SLC1A1: variants seen among roughly 807,000 people sequenced by gnomAD.
SLC1A1 encodes excitatory amino acid transporter 3.
SLC1A1 carries 43 observed loss-of-function variants against 53.3 expected under a neutral mutation model. The observed-to-expected ratio is 0.81, with a 90% confidence interval of 0.63 to 1.04. SLC1A1 has a LOEUF of 1.04. Among genes scored for constraint, SLC1A1 ranks in the 50% least tolerant of loss-of-function variants. The pLI is 0.00. For synonymous variants in SLC1A1, 307 were observed against 243.2 expected (o/e 1.26, Z -2.44); for missense variants, 748 against 664.9 (o/e 1.12, Z -1.37).
intron 1 of SLC1A1, among the ~76,000 whole-genome samples, chr9:4,521,721 G>T (rs73641457): frequency 0.023 from 3,473 of 152,248 alleles, 135 homozygotes; most frequent in African/African-American, 0.078. Context: ...CTTTATATCT[G>T]TATACTTTAT....
chr9:4,565,734 G>A (rs1017620653), intron 4 of SLC1A1, among the ~76,000 whole-genome samples: 1 of 152,164 alleles, frequency 6.6e-6, no homozygotes, highest in Non-Finnish European at 1.5e-5. Context: ...CCTCATTGAT[G>A]AAAACAGAAG....
In SLC1A1 at chr9:4,490,721, C is replaced by G; in HGVS notation, c.42C>G (p.Phe14Leu). 2 of 1,612,898 alleles carry G rather than the reference C, an allele frequency of 1.2e-6. No individual in the cohort carries two copies. The highest frequency in any genetic ancestry group is 1.7e-4 in the Middle Eastern group (1 of 6,056). Residue 14 changes from phenylalanine to leucine, a missense_variant, in exon 1 of 12, where the codon TTC becomes TTG. Transcript: ENST00000262352. ...GGAAAGGATGCGAGTGGAAGCGCTT[C>G]CTGAAGAATAACTGGGTGTTGCTGT... ...PARKGCEWKRFLKNNWVLLST... is the reference protein window; with the variant it reads ...PARKGCEWKRLLKNNWVLLST...
chr9:4,538,034 C>T (rs10815011), intron 1 of SLC1A1, among the ~76,000 whole-genome samples: 74,345 of 151,876 alleles, frequency 0.49, 18,798 homozygotes, highest in Non-Finnish European at 0.53. Flanking sequence ...AGAGATAATA[C>T]AAAAGACAAT....
chr9:4,495,089 G>A (rs1251176832), intron 1 of SLC1A1, among the ~76,000 whole-genome samples: 1 of 152,142 alleles, frequency 6.6e-6, no homozygotes, highest in African/African-American at 2.4e-5. Flanking sequence ...CCCTTGCCCA[G>A]CCTCGTGTCT....
At chr9:4,540,899 C>G (rs781016494) in intron 1 of SLC1A1, among the ~76,000 whole-genome samples, 3 of 152,250 alleles carry the variant, frequency 2.0e-5, no homozygotes, top group Non-Finnish European at 4.4e-5. Flanking sequence ...GACAGCTAAT[C>G]TAACCCTTGA....
intron 1 of SLC1A1, among the ~76,000 whole-genome samples, chr9:4,542,427 C>T (rs951880285): frequency 2.6e-5 from 4 of 152,158 alleles, no homozygotes; most frequent in Non-Finnish European, 4.4e-5. Context: ...AATGACCCTA[C>T]ATTAATTTAG....
rs565308759 is a variant in SLC1A1, at chr9:4,523,801, C to T, written c.92-20766C>T. 3.3e-5 allele frequency among the ~76,000 whole-genome samples: 5 copies of T among 152,284 alleles called. No homozygotes were observed. In the South Asian group the frequency reaches 1.0e-3, roughly 32 times the overall value. ...GTCTCATTTTAAAATCTCCTAATGA[C>T]TCCATGAGGTTGATATTTTGTTCTT... On this transcript the variant is annotated intron_variant, in intron 1 of 11. Transcript: ENST00000262352.
chr9:4,567,881 A>G, intron 6 of SLC1A1, 114 bp downstream of exon 6: 1 of 762,948 alleles, frequency 1.3e-6, no homozygotes, highest in East Asian at 2.7e-5. Flanking sequence ...AAATTCACCT[A>G]CTTGCTAAAA....
At chr9:4,550,738 T>C (rs149994450) in intron 2 of SLC1A1, among the ~76,000 whole-genome samples, 2,176 of 152,258 alleles carry the variant, frequency 0.014, 41 homozygotes, top group Non-Finnish European at 0.018. Flanking sequence ...AAACCTTAGG[T>C]ATATTCAGTA....
chr9:4,522,815 C>A (rs1240273701), intron 1 of SLC1A1, among the ~76,000 whole-genome samples: 1 of 152,148 alleles, frequency 6.6e-6, no homozygotes, highest in Non-Finnish European at 1.5e-5. Context: ...GAGACCCCCA[C>A]CTCCATGATC....
intron 1 of SLC1A1, among the ~76,000 whole-genome samples, chr9:4,507,549 A>C (rs1220807209): frequency 2.6e-5 from 4 of 152,204 alleles, no homozygotes; most frequent in African/African-American, 4.8e-5. Context: ...GGGAGTGGGG[A>C]AAGTTACAAC....
chr9:4,553,122 G>A (rs1818071375), intron 2 of SLC1A1, among the ~76,000 whole-genome samples: 1 of 152,130 alleles, frequency 6.6e-6, no homozygotes, highest in African/African-American at 2.4e-5. Flanking sequence ...GTCTCACTGA[G>A]CCATTAGCTA....
intron 1 of SLC1A1, among the ~76,000 whole-genome samples, chr9:4,543,703 C>T (rs1443769662): frequency 6.6e-6 from 1 of 151,940 alleles, no homozygotes; most frequent in Non-Finnish European, 1.5e-5. Flanking sequence ...CTAGAAATAA[C>T]TGAAAAGAGT....
rs372235217 is a variant in SLC1A1, at chr9:4,566,019, A to G, written c.441-28A>G. The G allele has an allele frequency of 2.5e-6, 4 of 1,598,746 alleles. No individual in the cohort carries two copies. The African/African-American group carries it at 4.0e-5, about 16-fold the overall frequency. ...ACAAAACAATACTTTTTGCCCTAAC[A>G]TAATACTGCCTTTTATGTCTCCAAC... On this transcript the variant is annotated intron_variant, in intron 4 of 11. Coordinates refer to ENST00000262352, the MANE Select transcript of SLC1A1 (RefSeq NM_004170.6).
chr9:4,564,310 C>A (rs1228900654), intron 3 of SLC1A1, 34 bp from the exon 4 acceptor site: 1 of 1,463,986 alleles, frequency 6.8e-7, no homozygotes, highest in Non-Finnish European at 9.5e-7. Flanking sequence ...CTGGAAGGTT[C>A]CTAATGCTCT....
intron 1 of SLC1A1, among the ~76,000 whole-genome samples, chr9:4,507,449 ATGTT>A (rs563160775): frequency 1.5e-3 from 223 of 152,274 alleles, no homozygotes; most frequent in Admixed American, 3.7e-3. Flanking sequence ...TTCCTTATGA[ATGTT>A]TGTTATTGTG....
At chr9:4,494,933 G>A (rs1402849613) in intron 1 of SLC1A1, among the ~76,000 whole-genome samples, 2 of 152,170 alleles carry the variant, frequency 1.3e-5, no homozygotes, top group Non-Finnish European at 2.9e-5. Context: ...TTCAGAAAAA[G>A]CAATAGGTAT....
At chr9:4,499,056 T>G (rs2130796928) in intron 1 of SLC1A1, among the ~76,000 whole-genome samples, 1 of 145,722 alleles carries the variant, frequency 6.9e-6, no homozygotes, top group African/African-American at 2.5e-5. Context: ...ATATCTTTTT[T>G]TTTTTTGAGA....
chr9:4,582,997 G>A, intron 10 of SLC1A1, 41 bp from the exon 11 acceptor site: 4 of 1,613,824 alleles, frequency 2.5e-6, no homozygotes, highest in Non-Finnish European at 3.4e-6. Context: ...TAACGGGAGA[G>A]GTAAGTGTCT....
Sources: allele counts gnomAD v4.1 joint callset (sites outside exome capture counted in the v4.1 genomes callset), GRCh38; gene constraint gnomAD v4.1.1; transcripts MANE v1.5; gene names NCBI Gene and HGNC (gene_info 2026-07-23, HGNC 2026-07-21).